ACTN1: variants seen among roughly 807,000 people sequenced by gnomAD.
ACTN1 encodes alpha-actinin-1.
A neutral mutation model predicts 119.6 loss-of-function variants in ACTN1; 30 were observed. The ratio of observed to expected loss-of-function variants is 0.25; its 90% CI spans 0.19 to 0.34. The LOEUF (loss-of-function observed/expected upper bound fraction) is 0.34, where lower values mean the gene tolerates loss of function less well. Ranked by LOEUF, ACTN1 falls within the 10% of genes least tolerant of loss-of-function variation. ACTN1 has a pLI of 1.00. For synonymous variants in ACTN1, 429 were observed against 472.6 expected, an observed-to-expected ratio of 0.91 and a Z score of 1.20; for missense variants, 764 against 1,223.4, an observed-to-expected ratio of 0.62 and a Z score of 5.60.
chr14:68,887,924 C>A, intron 11 of ACTN1: 2 of 899,420 alleles, frequency 2.2e-6, no homozygotes, highest in Admixed American at 3.5e-5. Flanking sequence ...TCCCTTTTTC[C>A]CTTTTGTTTG....
Position 68,882,501 on chromosome 14 carries a change from G to C in ACTN1, c.1910C>G (p.Ala637Gly). Residue 637 changes from alanine (A) to glycine (G), a missense_variant, in exon 16 of 22, where the codon GCC (alanine) becomes GGC (glycine). By Grantham distance (60) the Ala-to-Gly change is moderately conservative (BLOSUM62 0). Coordinates refer to ENST00000394419, the MANE Select transcript of ACTN1 (RefSeq NM_001130004.2). This position sits in a 1 kb window ranked among gnomAD's most constrained non-coding sequence, Gnocchi z 4.5. ...CCAGGGCCCGATGACATTGGCCTGG[G>C]CTCCAAACTGCTTGCGTAGCCTCTC... ...HNERLRKQFG[A>G]QANVIGPWIQ... 1 of 1,614,186 alleles carries C rather than the reference G, an allele frequency of 6.2e-7. No homozygotes were observed. The highest frequency in any genetic ancestry group is 8.5e-7 in the Non-Finnish European group (1 of 1,180,036).
chr14:68,959,147 C>A (rs2036446497), intron 1 of ACTN1, among the ~76,000 whole-genome samples: 1 of 152,206 alleles, frequency 6.6e-6, no homozygotes, highest in South Asian at 2.1e-4. Context: ...TGCTCTCCAG[C>A]TCCTGTCAAA....
intron 1 of ACTN1, among the ~76,000 whole-genome samples, chr14:68,956,102 C>T (rs531040182): frequency 6.6e-6 from 1 of 152,180 alleles, no homozygotes; most frequent in African/African-American, 2.4e-5. Context: ...GGGTCCAAGG[C>T]TGTCGTGAGC....
chr14:68,882,932 C>T lies in ACTN1; in HGVS notation c.1759G>A (p.Ala587Thr), dbSNP rs1045728006. The T allele has an allele frequency of 4.3e-6, 7 of 1,614,178 alleles. No homozygotes were observed. Among genetic ancestry groups the T allele is most frequent in the African/African-American group, 1.3e-5 (1 of 75,030 alleles). ...ATGGTTGTGTAGGGGTTGGTGCCCG[C>T]CATATTGACGTGGTAGGTCTGGACA... ...KIVQTYHVNM[A>T]GTNPYTTITP... The change falls in exon 15 of 22, where the codon GCG (alanine) becomes ACG (threonine). Residue 587 changes from alanine to threonine, a missense_variant. Physicochemically the swap from Ala to Thr is moderately conservative, Grantham distance 58 (BLOSUM62 0). Coordinates refer to ENST00000394419, the MANE Select transcript of ACTN1 (RefSeq NM_001130004.2). The surrounding 1 kb of genome is among the most constrained non-coding windows in gnomAD (Gnocchi z 4.5).
chr14:68,913,412 C>T (rs549890348), intron 3 of ACTN1, among the ~76,000 whole-genome samples: 1 of 151,900 alleles, frequency 6.6e-6, no homozygotes, highest in Non-Finnish European at 1.5e-5. Context: ...TTTTTCCTAC[C>T]TGCAACATTA....
In ACTN1 at chr14:68,874,225, T is replaced by A. The variant is rs909399897; in HGVS notation, c.*634A>T. The A allele has an allele frequency of 1.3e-4, 20 of 152,380 alleles. No homozygotes were observed. The highest frequency in any genetic ancestry group is 5.6e-4 in the East Asian group (3 of 5,342). 9.4% of individuals were successfully genotyped at this position (152,380 alleles called of 1,614,324 possible). A position where few individuals can be genotyped will look rare whatever the true frequency, so the allele number is the denominator to read the frequency against. On this transcript the variant is annotated 3_prime_UTR_variant, in exon 22 of 22. Transcript: ENST00000394419. Reference sequence around the variant, plus strand: ...TATTTTTAATAGACAATATTAAAAATTTTTTAAGTGTGTGCTGATAAAGAG... The same window carrying A: ...TATTTTTAATAGACAATATTAAAAAATTTTTAAGTGTGTGCTGATAAAGAG...
At chr14:68,964,759 G>C (rs1007350616) in intron 1 of ACTN1, among the ~76,000 whole-genome samples, 2 of 152,238 alleles carry the variant, frequency 1.3e-5, no homozygotes, top group African/African-American at 4.8e-5. Flanking sequence ...AATGGACTTA[G>C]CACAGTGCTG....
Position 68,910,040 on chromosome 14 carries a change from T to G in ACTN1, c.430A>C (p.Thr144Pro). ...AGGAGCAGCCCTTCCTTGGCTGAAG[T>G]CTCTATGGGGAAGGGGATGGGCAGC... Reference protein sequence around the residue: ...FAIQDISVEETSAKEGLLLWC... With the variant: ...FAIQDISVEEPSAKEGLLLWC... The change falls in exon 5 of 22, where the codon ACT becomes CCT. Residue 144 changes from threonine (T) to proline (P), a missense_variant and splice_region_variant. This residue lies in a region of ACTN1 where 54 missense variants were observed against 153.2 expected (regional missense o/e 0.35). Transcript: ENST00000394419. 6.2e-7 allele frequency: 1 copy of G among 1,613,338 alleles called. No homozygotes were observed. The highest frequency in any genetic ancestry group is 8.5e-7 in the Non-Finnish European group (1 of 1,179,682).
chr14:68,944,393 C>A (rs567604254), intron 1 of ACTN1, among the ~76,000 whole-genome samples: 2 of 152,350 alleles, frequency 1.3e-5, no homozygotes, highest in Admixed American at 1.3e-4. Context: ...AGGCTCCAGG[C>A]CTCCCCTGCC....
chr14:68,954,947 A>C (rs2036303873), intron 1 of ACTN1, among the ~76,000 whole-genome samples: 1 of 151,958 alleles, frequency 6.6e-6, no homozygotes, highest in African/African-American at 2.4e-5. Context: ...CTTTTTCTTA[A>C]ATCTTAGCTT....
intron 1 of ACTN1, among the ~76,000 whole-genome samples, chr14:68,953,843 G>A (rs1018104350): frequency 6.7e-6 from 1 of 148,720 alleles, no homozygotes; most frequent in African/African-American, 2.5e-5. Context: ...CCAAGATCGC[G>A]CCACTGCACT....
At chr14:68,961,102 C>T (rs764264456) in intron 1 of ACTN1, among the ~76,000 whole-genome samples, 3 of 152,074 alleles carry the variant, frequency 2.0e-5, no homozygotes, top group Non-Finnish European at 4.4e-5. Context: ...CTGTTATACA[C>T]GAGACTTTTA....
At chr14:68,906,529 C>T (rs2033677106) in intron 6 of ACTN1, among the ~76,000 whole-genome samples, 1 of 152,198 alleles carries the variant, frequency 6.6e-6, no homozygotes, top group Non-Finnish European at 1.5e-5. Context: ...GGAGGATGAA[C>T]ACTGCCGAGT....
chr14:68,954,908 G>A (rs2036301743), intron 1 of ACTN1, among the ~76,000 whole-genome samples: 3 of 152,104 alleles, frequency 2.0e-5, no homozygotes. Flanking sequence ...TGCCTTCTCT[G>A]GGCCTCCAGA....
intron 2 of ACTN1, among the ~76,000 whole-genome samples, chr14:68,921,799 C>T (rs1457062381): frequency 6.6e-6 from 1 of 152,184 alleles, no homozygotes; most frequent in Non-Finnish European, 1.5e-5. Flanking sequence ...CATCTGAGAA[C>T]CACAGTTCTT....
intron 11 of ACTN1, chr14:68,888,045 T>C (rs990195142): frequency 6.9e-6 from 5 of 727,800 alleles, no homozygotes; most frequent in African/African-American, 5.3e-5. Context: ...GGCTTTTCCT[T>C]GGCGGCTCCT....
intron 4 of ACTN1, 55 bp downstream of exon 4, chr14:68,912,101 G>T: frequency 6.4e-7 from 1 of 1,554,942 alleles, no homozygotes; most frequent in Non-Finnish European, 8.9e-7. Context: ...TCCAGGCTAA[G>T]CCCAGGGAGG....
intron 6 of ACTN1, among the ~76,000 whole-genome samples, chr14:68,908,921 G>A (rs1033279050): frequency 6.6e-6 from 1 of 152,226 alleles, no homozygotes; most frequent in Non-Finnish European, 1.5e-5. Flanking sequence ...CGCACAGCAG[G>A]TCAAAGGACA....
Position 68,882,919 on chromosome 14 carries a change from G to C in ACTN1, c.1772C>G (p.Pro591Arg). The change falls in exon 15 of 22, where the codon CCC becomes CGC. Residue 591 changes from proline to arginine, a missense_variant. Transcript: ENST00000394419. This position sits in a 1 kb window ranked among gnomAD's most constrained non-coding sequence, Gnocchi z 4.5. ...CTCCTGAGGCGTGATGGTTGTGTAG[G>C]GGTTGGTGCCCGCCATATTGACGTG... ...TYHVNMAGTN[P>R]YTTITPQEIN... 2 of 1,613,960 alleles carry C rather than the reference G, an allele frequency of 1.2e-6. No individual in the cohort carries two copies. Among genetic ancestry groups the C allele is most frequent in the Non-Finnish European group, 1.7e-6 (2 of 1,179,978 alleles).
Sources: allele counts gnomAD v4.1 joint callset (sites outside exome capture counted in the v4.1 genomes callset), GRCh38; gene constraint gnomAD v4.1.1; regional missense constraint gnomAD v4.1.1; non-coding constraint Gnocchi (gnomAD v3.1); transcripts MANE v1.5; gene names NCBI Gene and HGNC (gene_info 2026-07-23, HGNC 2026-07-21).